Variants in PCDHGA1 observed in about 807,000 individuals in gnomAD.
The protein encoded by PCDHGA1 is protocadherin gamma-A1.
In PCDHGA1, 32 loss-of-function variants were observed where a neutral mutation model predicts 58.0. The ratio of observed to expected loss-of-function variants is 0.55; its 90% confidence interval spans 0.42 to 0.74. The LOEUF is 0.74. Among genes scored for constraint, PCDHGA1 ranks in the 30% least tolerant of loss-of-function variants. The probability of loss-of-function intolerance (pLI) is 0.00; values close to 1 mark genes in which losing one functional copy is unlikely to be tolerated. For missense variants in PCDHGA1, 1,205 were observed against 1,182.3 expected (o/e 1.02, Z -0.28); for synonymous variants, 498 against 501.1 (o/e 0.99, Z 0.08).
At chr5:141,393,867 T>G in intron 1 of PCDHGA1, 1 of 1,614,000 alleles carries the variant, frequency 6.2e-7, no homozygotes. Context: ...CATTACGTCT[T>G]TGTTTAGCCC....
At chr5:141,415,712 T>G (rs2095901969) in intron 1 of PCDHGA1, 3 of 1,326,794 alleles carry the variant, frequency 2.3e-6, no homozygotes, top group Non-Finnish European at 3.1e-6. Context: ...GCTAAAACAC[T>G]GATGAGTAGA....
chr5:141,467,775 C>T (rs1464827506), intron 1 of PCDHGA1, among the ~76,000 whole-genome samples: 1 of 151,960 alleles, frequency 6.6e-6, no homozygotes, highest in Non-Finnish European at 1.5e-5. Context: ...GCCCGCACCT[C>T]AGCCTCTCAA....
chr5:141,364,710 A>G (rs778155346), intron 1 of PCDHGA1: 12 of 1,613,886 alleles, frequency 7.4e-6, no homozygotes, highest in Non-Finnish European at 8.5e-7. Context: ...ATCGATATTA[A>G]TGATAACTTC....
chr5:141,332,770 G>C lies in PCDHGA1; in HGVS notation c.2086G>C (p.Ala696Pro), dbSNP rs1561473582. 3.7e-6 allele frequency: 6 copies of C among 1,614,120 alleles called. No homozygotes were observed. Among genetic ancestry groups the C allele is most frequent in the Non-Finnish European group, 5.1e-6 (6 of 1,179,992 alleles). Reference protein sequence around the residue: ...DSDLTLYLVVAAAAVSCVFLA... With the variant: ...DSDLTLYLVVPAAAVSCVFLA... The stretch of plus-strand genomic sequence containing the variant: ...GGACCTCACTCTGTACCTGGTGGTG[G>C]CGGCGGCCGCGGTCTCCTGCGTCTT... The change falls in exon 1 of 4, where the codon GCG (alanine) becomes CCG (proline). Residue 696 changes from alanine (A) to proline (P), a missense_variant. Physicochemically the swap from Ala to Pro is conservative, Grantham distance 27 (BLOSUM62 -1). Coordinates refer to ENST00000517417, the MANE Select transcript of PCDHGA1 (RefSeq NM_018912.3). This position sits in a 1 kb window ranked among gnomAD's most constrained non-coding sequence, Gnocchi z 4.6.
chr5:141,340,959 C>T, intron 1 of PCDHGA1: 1 of 1,613,904 alleles, frequency 6.2e-7, no homozygotes, highest in Non-Finnish European at 8.5e-7. Context: ...CTCACCGTGG[C>T]CGTGGCCGAC....
At chr5:141,375,118 A>T in intron 1 of PCDHGA1, 1 of 1,613,984 alleles carries the variant, frequency 6.2e-7, no homozygotes, top group Non-Finnish European at 8.5e-7. Context: ...ATAATGTACC[A>T]GAAGTGGTTG....
intron 1 of PCDHGA1, chr5:141,346,232 G>C (rs369304431): frequency 6.2e-7 from 1 of 1,614,170 alleles, no homozygotes; most frequent in Non-Finnish European, 8.5e-7. Context: ...GCGGCTTGGC[G>C]AGTACGCCCG....
At chr5:141,495,123 T>C (rs2099759225) in intron 2 of PCDHGA1, among the ~76,000 whole-genome samples, 1 of 152,162 alleles carries the variant, frequency 6.6e-6, no homozygotes, top group African/African-American at 2.4e-5. Flanking sequence ...TCCTATCCCC[T>C]GAGGGCACTG....
At chr5:141,501,298 C>CAG (rs2099807427) in intron 2 of PCDHGA1, among the ~76,000 whole-genome samples, 1 of 148,330 alleles carries the variant, frequency 6.7e-6, no homozygotes, top group Non-Finnish European at 1.5e-5. Context: ...TATACACACA[C>CAG]ACACACACAC....
intron 1 of PCDHGA1, among the ~76,000 whole-genome samples, chr5:141,444,758 T>C (rs1430492886): frequency 1.3e-5 from 2 of 152,262 alleles, no homozygotes; most frequent in East Asian, 3.8e-4. Flanking sequence ...TATGTAGTTC[T>C]ATTTCTATAT....
chr5:141,345,599 C>A, intron 1 of PCDHGA1: 3 of 1,614,198 alleles, frequency 1.9e-6, no homozygotes, highest in Non-Finnish European at 8.5e-7. Context: ...CCTTCGACTA[C>A]GAGCAATTTA....
chr5:141,402,319 C>G lies in PCDHGA1; in HGVS notation c.2421+69214C>G, dbSNP rs181180510. On this transcript the variant is annotated intron_variant, in intron 1 of 3. Transcript: ENST00000517417. ...TGTATTAATACAATTATATATTTTA[C>G]ATTTACAAATATATAGGTATAAAAA... Among the ~76,000 whole-genome samples, 14 of 151,934 alleles carry G rather than the reference C, an allele frequency of 9.2e-5. No individual in the cohort carries two copies. In the East Asian group the frequency reaches 2.7e-3, roughly 29 times the overall value.
intron 1 of PCDHGA1, chr5:141,423,427 G>A: frequency 1.2e-6 from 2 of 1,614,010 alleles, no homozygotes; most frequent in Non-Finnish European, 1.7e-6. Flanking sequence ...AGGCGGGTTG[G>A]CAGGTATGCC....
intron 1 of PCDHGA1, among the ~76,000 whole-genome samples, chr5:141,450,313 T>G (rs2098676929): frequency 6.6e-6 from 1 of 152,172 alleles, no homozygotes; most frequent in Middle Eastern, 3.4e-3. Context: ...ATGTGTGGCC[T>G]AGTTGCCATG....
At chr5:141,422,721 G>A in intron 1 of PCDHGA1, 1 of 1,605,664 alleles carries the variant, frequency 6.2e-7, no homozygotes, top group East Asian at 2.2e-5. Flanking sequence ...ACACTGTCCA[G>A]GGGGTGCCTC....
intron 1 of PCDHGA1, chr5:141,372,081 C>T: frequency 1.2e-6 from 2 of 1,613,734 alleles, no homozygotes; most frequent in Non-Finnish European, 8.5e-7. Flanking sequence ...ACCGCTGGTG[C>T]TGTACCCAGC....
chr5:141,382,729 A>G, intron 1 of PCDHGA1: 1 of 548,650 alleles, frequency 1.8e-6, no homozygotes, highest in Non-Finnish European at 3.1e-6. Flanking sequence ...GTTTTACAGC[A>G]CAGAGAAACG....
chr5:141,403,038 G>A, intron 1 of PCDHGA1: 1 of 1,614,088 alleles, frequency 6.2e-7, no homozygotes, highest in Non-Finnish European at 8.5e-7. Context: ...GCCAGGGCCA[G>A]TCAGATTCGC....
intron 1 of PCDHGA1, among the ~76,000 whole-genome samples, chr5:141,481,148 C>G (rs2099532606): frequency 6.6e-6 from 1 of 152,176 alleles, no homozygotes; most frequent in Non-Finnish European, 1.5e-5. Context: ...AAGTGTTATT[C>G]TGGTATTTGC....
Sources: gnomAD v4.1 joint callset for allele counts (sites outside exome capture counted in the v4.1 genomes callset) on GRCh38, gnomAD v4.1.1 for gene constraint, Gnocchi (gnomAD v3.1) non-coding constraint, MANE v1.5 for transcripts, NCBI Gene and HGNC (gene_info 2026-07-23, HGNC 2026-07-21) for gene names.